Variants in HDAC9 observed in about 807,000 individuals in gnomAD.
HDAC9 encodes MEF-2 interacting transcription repressor (MITR) protein.
A neutral mutation model predicts 139.4 loss-of-function variants in HDAC9; 41 were observed. The observed-to-expected ratio is 0.29, with a 90% CI of 0.23 to 0.38. HDAC9 has a LOEUF of 0.38. HDAC9 is among the 10% of genes least tolerant of loss of function. The pLI, the probability that HDAC9 is intolerant of heterozygous loss-of-function variation, is 1.00. For synonymous variants in HDAC9, 517 were observed against 476.2 expected (o/e 1.09, Z -1.12); for missense variants, 1,147 against 1,297.0 (o/e 0.88, Z 1.78).
chr7:18,349,903 T>G (rs1285004778), intron 1 of HDAC9, among the ~76,000 whole-genome samples: 1 of 152,182 alleles, frequency 6.6e-6, no homozygotes. Flanking sequence ...ATTAGGGCTT[T>G]GGAACATATG....
At chr7:18,963,881 C>G (rs1783684688) in intron 24 of HDAC9, among the ~76,000 whole-genome samples, 1 of 152,148 alleles carries the variant, frequency 6.6e-6, no homozygotes, top group Non-Finnish European at 1.5e-5. Flanking sequence ...CTCATTTCTC[C>G]TCATTCATTG....
rs768255670 is a variant in HDAC9, at chr7:18,727,602, C to G, written c.1754C>G (p.Thr585Arg). The change falls in exon 13 of 26, where the codon ACA becomes AGA. Residue 585 changes from threonine (T) to arginine (R), a missense_variant. Thr to Arg is a moderately conservative substitution (Grantham distance 71). This residue lies in a region of HDAC9 where 256 missense variants were observed against 219.2 expected (regional missense o/e 1.17). Coordinates refer to ENST00000686413, the MANE Select transcript of HDAC9 (RefSeq NM_178425.4). ...CAGCCTTTCCTGGAACCCACGCACACACGTGCGCTCTCTGTGCGCCAAGCT... is the reference window on the plus strand; with the variant it reads ...CAGCCTTTCCTGGAACCCACGCACAGACGTGCGCTCTCTGTGCGCCAAGCT... ...MQQPFLEPTH[T>R]RALSVRQAPL... The G allele has an allele frequency of 1.4e-5, 23 of 1,595,144 alleles. No homozygotes were observed. Among genetic ancestry groups the G allele is most frequent in the Non-Finnish European group, 1.9e-5 (22 of 1,173,022 alleles).
At chr7:18,970,870 G>C (rs540648648) in intron 24 of HDAC9, among the ~76,000 whole-genome samples, 1 of 152,276 alleles carries the variant, frequency 6.6e-6, no homozygotes, top group African/African-American at 2.4e-5. Context: ...ATGATGGAAT[G>C]AGGGATTTCT....
intron 1 of HDAC9, among the ~76,000 whole-genome samples, chr7:18,302,355 C>T (rs1038269978): frequency 2.0e-5 from 3 of 152,088 alleles, no homozygotes; most frequent in Non-Finnish European, 4.4e-5. Flanking sequence ...GATGATGATA[C>T]GAAGTATGCA....
At chr7:18,577,824 G>A (rs1826473541) in intron 2 of HDAC9, among the ~76,000 whole-genome samples, 2 of 152,000 alleles carry the variant, frequency 1.3e-5, no homozygotes, top group African/African-American at 4.8e-5. Context: ...GAGAGGTGTC[G>A]GTGAAACTCG....
intron 20 of HDAC9, 93 bp downstream of exon 20, chr7:18,835,679 T>C: frequency 6.6e-7 from 1 of 1,515,480 alleles, no homozygotes; most frequent in Non-Finnish European, 9.2e-7. Context: ...CCTTTGCTGG[T>C]GTTTTAAATT....
rs532928505 is a variant in HDAC9 at position 18,455,722 on chromosome 7, A to T, written c.-41-40540A>T. On this transcript the variant is annotated intron_variant, in intron 1 of 3. Coordinates refer to the HDAC9 transcript ENST00000413509. ...AGATTCACAGCACAGTTGGGTCACA[A>T]ATTATGTTTCTAAATTTAGAAGGTG... Among the ~76,000 whole-genome samples, 3 of 152,276 alleles carry T rather than the reference A, an allele frequency of 2.0e-5. No individual in the cohort carries two copies. In the East Asian group the frequency reaches 5.8e-4, roughly 29 times the overall value.
At chr7:18,422,611 G>A (rs79875907) in intron 1 of HDAC9, among the ~76,000 whole-genome samples, 2,237 of 152,226 alleles carry the variant, frequency 0.015, 17 homozygotes, top group Non-Finnish European at 0.022. Context: ...AGCCAGGCCT[G>A]TGGGGAAAGA....
chr7:18,427,808 A>G (rs1385537212), intron 1 of HDAC9, among the ~76,000 whole-genome samples: 1 of 151,740 alleles, frequency 6.6e-6, no homozygotes, highest in Non-Finnish European at 1.5e-5. Flanking sequence ...TGTTATCTGT[A>G]GGAATAATGT....
chr7:18,633,103 G>C (rs1782842111), intron 7 of HDAC9, among the ~76,000 whole-genome samples: 1 of 152,016 alleles, frequency 6.6e-6, no homozygotes, highest in Non-Finnish European at 1.5e-5. Flanking sequence ...ATGAAGTCAT[G>C]ATACTGAGTG....
In HDAC9 at chr7:18,880,848, G is replaced by T. The variant is rs564046579; in HGVS notation, c.2803+6252G>T. On this transcript the variant is annotated intron_variant, in intron 22 of 25. Transcript: ENST00000686413. ...AAAGAATAGTTAATAGTTGCCGGGG[G>T]GGGGGGAACCAAATAACAAAGCTTA... Among the ~76,000 whole-genome samples, 23 of 150,864 alleles carry T rather than the reference G, an allele frequency of 1.5e-4. 1 individual carries two copies. The South Asian group carries it at 2.3e-3, about 15-fold the overall frequency.
intron 2 of HDAC9, among the ~76,000 whole-genome samples, chr7:18,515,545 C>G (rs574556668): frequency 2.0e-5 from 3 of 152,226 alleles, no homozygotes; most frequent in Admixed American, 1.3e-4. Context: ...TATCCTGGAC[C>G]AAGATTTGTA....
At chr7:18,473,172 G>C (rs1450325773) in intron 1 of HDAC9, among the ~76,000 whole-genome samples, 1 of 152,180 alleles carries the variant, frequency 6.6e-6, no homozygotes, top group Non-Finnish European at 1.5e-5. Flanking sequence ...TCAAAAAAAG[G>C]CATTGGGGAT....
chr7:18,293,767 G>A (rs567868751), intron 1 of HDAC9, among the ~76,000 whole-genome samples: 1 of 152,156 alleles, frequency 6.6e-6, no homozygotes, highest in African/African-American at 2.4e-5. Flanking sequence ...AATTTCTGGT[G>A]GGGTTGGTCA....
intron 24 of HDAC9, among the ~76,000 whole-genome samples, chr7:18,972,570 G>T (rs774356114): frequency 3.3e-4 from 50 of 151,716 alleles, no homozygotes; most frequent in Non-Finnish European, 5.4e-4. Flanking sequence ...CAGTAGAGAC[G>T]GGATTTCACC....
intron 2 of HDAC9, among the ~76,000 whole-genome samples, chr7:18,513,325 T>G (rs2128193092): frequency 6.6e-6 from 1 of 152,256 alleles, no homozygotes; most frequent in Admixed American, 6.5e-5. Flanking sequence ...AAAAATAACT[T>G]GAGACCAAAT....
At chr7:18,305,105 A>G (rs1439570335) in intron 1 of HDAC9, among the ~76,000 whole-genome samples, 1 of 152,204 alleles carries the variant, frequency 6.6e-6, no homozygotes, top group Non-Finnish European at 1.5e-5. Context: ...CAATCTGGGT[A>G]GCACCTTTCC....
At chr7:18,494,337 C>G (rs1476831336), upstream of HDAC9, among the ~76,000 whole-genome samples, 1 of 152,020 alleles carries the variant, frequency 6.6e-6, no homozygotes, top group Non-Finnish European at 1.5e-5. Context: ...CTCTGTGTCC[C>G]CTTGTTTGCC....
intron 2 of HDAC9, among the ~76,000 whole-genome samples, chr7:18,229,263 G>A (rs975379819): frequency 2.0e-5 from 3 of 152,146 alleles, no homozygotes; most frequent in African/African-American, 4.8e-5. Flanking sequence ...TAATGCCACT[G>A]TGTCACATAT....
Sources: gnomAD v4.1 joint callset for allele counts (sites outside exome capture counted in the v4.1 genomes callset) on GRCh38, gnomAD v4.1.1 for gene constraint, gnomAD v4.1.1 regional missense constraint, MANE v1.5 for transcripts, NCBI Gene and HGNC (gene_info 2026-07-23, HGNC 2026-07-21) for gene names.